Variants in ASS1 observed in about 807,000 individuals in gnomAD.
ASS1 encodes the protein argininosuccinate synthase.
A neutral mutation model predicts 60.5 loss-of-function variants in ASS1; 58 were observed. The ratio of observed to expected loss-of-function variants is 0.96; its 90% CI spans 0.78 to 1.19. The LOEUF (loss-of-function observed/expected upper bound fraction) is 1.19, where lower values mean the gene tolerates loss of function less well. ASS1 is among the 50% of genes most tolerant of loss of function. The pLI, the probability that ASS1 is intolerant of heterozygous loss-of-function variation, is 0.00. For synonymous variants in ASS1, 200 were observed against 206.9 expected (o/e 0.97, Z 0.29); for missense variants, 454 against 547.3 (o/e 0.83, Z 1.70).
At chr9:130,495,366 T>G (rs1240478927) in intron 13 of ASS1, among the ~76,000 whole-genome samples, 2 of 151,604 alleles carry the variant, frequency 1.3e-5, no homozygotes, top group Non-Finnish European at 2.9e-5. Context: ...GAAGATTGCT[T>G]GAGCCCAGGA....
chr9:130,500,848 A>C (rs1332499506), intron 14 of ASS1, 128 bp from the exon 15 acceptor site: 1 of 958,728 alleles, frequency 1.0e-6, no homozygotes, highest in Non-Finnish European at 1.6e-6. Context: ...AATAGAAAAA[A>C]AGGCAACTTC....
At position 130,494,776 on chromosome 9, in the gene ASS1, A is replaced by G. The variant is rs1285956933; in HGVS notation, c.971-91A>G. The G allele has an allele frequency of 6.0e-5, 92 of 1,538,388 alleles. No individual in the cohort carries two copies. The highest frequency in any genetic ancestry group is 8.2e-5 in the Non-Finnish European group (92 of 1,115,826). On this transcript the variant is annotated intron_variant, in intron 12 of 14. Coordinates refer to ENST00000352480, the MANE Select transcript of ASS1 (RefSeq NM_054012.4). This position sits in a 1 kb window ranked among gnomAD's most constrained non-coding sequence, Gnocchi z 4.3. Reference sequence around the variant, plus strand: ...AGTCATGGTCTGCATGGCGGGGTAAACCATGGGGCACCCTTCCTGTGCCCC... The same window carrying G: ...AGTCATGGTCTGCATGGCGGGGTAAGCCATGGGGCACCCTTCCTGTGCCCC...
At chr9:130,490,719 G>A (rs1394611428) in intron 12 of ASS1, among the ~76,000 whole-genome samples, 1 of 152,188 alleles carries the variant, frequency 6.6e-6, no homozygotes, top group Non-Finnish European at 1.5e-5. Context: ...GCTCATGCCA[G>A]GTGAGGTGGC....
intron 11 of ASS1, among the ~76,000 whole-genome samples, chr9:130,486,565 G>C (rs756773327): frequency 6.6e-6 from 1 of 152,170 alleles, no homozygotes; most frequent in Non-Finnish European, 1.5e-5. Context: ...GTCACGGTGA[G>C]GCCTGAGGAA....
chr9:130,501,183 C>G lies in ASS1; in HGVS notation c.*162C>G, dbSNP rs1846747662. The G allele has an allele frequency of 1.3e-6, 1 of 747,576 alleles. No homozygotes were observed. The highest frequency in any genetic ancestry group is 1.8e-5 in the African/African-American group (1 of 56,892). 46.3% of individuals were successfully genotyped at this position (747,576 alleles called of 1,614,324 possible). A position where few individuals can be genotyped will look rare whatever the true frequency, so the allele number is the denominator to read the frequency against. On this transcript the variant is annotated 3_prime_UTR_variant, in exon 15 of 15. Transcript: ENST00000352480. ...TGTTCCCTGGTCCCCCTGAAGCCTG[C>G]AAACGTTGTCATCGAAGGGAAGGGT...
chr9:130,447,524 A>G (rs1211798343), intron 1 of ASS1, among the ~76,000 whole-genome samples: 1 of 152,218 alleles, frequency 6.6e-6, no homozygotes, highest in African/African-American at 2.4e-5. Context: ...TGCCATCCCA[A>G]TGAAAGCCAG....
intron 1 of ASS1, 73 bp from the exon 2 acceptor site, chr9:130,452,151 G>A: frequency 7.6e-7 from 1 of 1,321,352 alleles, no homozygotes; most frequent in Admixed American, 1.9e-5. Flanking sequence ...GTCGGGGCTG[G>A]GCTGTCTGCA....
At chr9:130,493,762 C>A (rs1262117242) in intron 12 of ASS1, among the ~76,000 whole-genome samples, 1 of 152,210 alleles carries the variant, frequency 6.6e-6, no homozygotes, top group African/African-American at 2.4e-5. Flanking sequence ...TGCCTGCCTG[C>A]CTGCCTGCCT....
rs370981750 is a variant in ASS1, at chr9:130,499,493, C to T, written c.1128-12C>T. ...GCCAGGCTGAGCTGACAAGCTTCTA[C>T]TCTCCTTGCAGCATGAACGTGCAGG... On this transcript the variant is annotated splice_polypyrimidine_tract_variant and intron_variant, in intron 13 of 14. Coordinates refer to ENST00000352480, the MANE Select transcript of ASS1 (RefSeq NM_054012.4). The T allele has an allele frequency of 4.6e-5, 74 of 1,612,920 alleles. No homozygotes were observed. Among genetic ancestry groups the T allele is most frequent in the Non-Finnish European group, 5.9e-5 (70 of 1,179,636 alleles).
intron 3 of ASS1, among the ~76,000 whole-genome samples, chr9:130,455,103 G>A (rs34654848): frequency 0.64 from 94,126 of 147,950 alleles, 29,774 homozygotes; most frequent in Admixed American, 0.71. Flanking sequence ...GCCATCATCC[G>A]TCTATCCATC....
At chr9:130,471,624 C>T in intron 8 of ASS1, 109 bp downstream of exon 8, 1 of 1,389,150 alleles carries the variant, frequency 7.2e-7, no homozygotes, top group Non-Finnish European at 1.0e-6. Flanking sequence ...TCACGGGGGC[C>T]AGCCGTGGGG....
At position 130,477,080 on chromosome 9, in the gene ASS1, A is replaced by G. The variant is rs571184274; in HGVS notation, c.688+119A>G. On this transcript the variant is annotated intron_variant, in intron 9 of 14. Coordinates refer to ENST00000352480, the MANE Select transcript of ASS1 (RefSeq NM_054012.4). This position sits in a 1 kb window ranked among gnomAD's most constrained non-coding sequence, Gnocchi z 4.2. ...CCCGCCCTGCATTCCTGGAAGCTAG[A>G]GTTCAGGCAGGGGCTTCAAGGTAAC... The G allele has an allele frequency of 4.6e-6, 5 of 1,094,790 alleles. No individual in the cohort carries two copies. The Admixed American group carries it at 9.9e-5, about 22-fold the overall frequency. The allele number at this position is 1,094,790 out of a possible 1,614,324, so 67.8% of individuals were successfully genotyped here.
At chr9:130,467,014 G>A (rs1845758867) in intron 6 of ASS1, among the ~76,000 whole-genome samples, 3 of 152,218 alleles carry the variant, frequency 2.0e-5, no homozygotes, top group Admixed American at 1.3e-4. Flanking sequence ...TTGCCAGGGC[G>A]GAGCCGCTCT....
intron 13 of ASS1, among the ~76,000 whole-genome samples, chr9:130,498,797 A>G (rs1283365723): frequency 6.6e-6 from 1 of 152,168 alleles, no homozygotes; most frequent in Non-Finnish European, 1.5e-5. Context: ...AGTGACTGCC[A>G]TGGTTAGGAA....
Position 130,445,039 on chromosome 9 carries a change from G to C in ASS1, c.-6+44G>C, listed in dbSNP as rs151254686. The stretch of plus-strand genomic sequence containing the variant: ...CTCTCGCTGCCCACTCCCTAGCCGA[G>C]AGCACCCGCTTCCCGGGCCCAGAGG... On this transcript the variant is annotated intron_variant, in intron 1 of 14. Transcript: ENST00000352480. 10,526 of 576,392 alleles carry C rather than the reference G, an allele frequency of 0.018. 112 individuals carry two copies. Among genetic ancestry groups the C allele is most frequent in the Non-Finnish European group, 0.021 (9,542 of 455,960 alleles). The allele number at this position is 576,392 out of a possible 1,614,324, so 35.7% of individuals were successfully genotyped here.
At position 130,471,480 on chromosome 9, in the gene ASS1, C is replaced by G; in HGVS notation, c.567-5C>G. 1 of 1,614,124 alleles carries G rather than the reference C, an allele frequency of 6.2e-7. No homozygotes were observed. Among genetic ancestry groups the G allele is most frequent in the Middle Eastern group, 1.7e-4 (1 of 6,060 alleles). On this transcript the variant is annotated splice_region_variant and splice_polypyrimidine_tract_variant and intron_variant, in intron 7 of 14. Coordinates refer to ENST00000352480, the MANE Select transcript of ASS1 (RefSeq NM_054012.4). Reference sequence around the variant, plus strand: ...CTGACCCTGTCTTTCCTTTCCCCTCCGCAGCTACGAGGCTGGAATCCTGGA... The same window carrying G: ...CTGACCCTGTCTTTCCTTTCCCCTCGGCAGCTACGAGGCTGGAATCCTGGA...
Position 130,458,385 on chromosome 9 carries a change from G to T in ASS1, c.175-16G>T, listed in dbSNP as rs373936572. 134 of 1,611,996 alleles carry T rather than the reference G, an allele frequency of 8.3e-5. No individual in the cohort carries two copies. In the African/African-American group the frequency reaches 1.7e-3, roughly 20 times the overall value. On this transcript the variant is annotated splice_polypyrimidine_tract_variant and intron_variant, in intron 3 of 14. Coordinates refer to ENST00000352480, the MANE Select transcript of ASS1 (RefSeq NM_054012.4). ...GTCCTTGCCTACTTCTTCCTTCTGG[G>T]CTCCTCTTCCCGTAGGTGTTCATTG...
chr9:130,471,990 G>A (rs187668931), intron 8 of ASS1, among the ~76,000 whole-genome samples: 6 of 152,290 alleles, frequency 3.9e-5, no homozygotes, highest in Non-Finnish European at 7.4e-5. Context: ...ACCCTGATCC[G>A]GTCCCAAGCT....
At chr9:130,455,382 C>A (rs2131870807) in intron 3 of ASS1, among the ~76,000 whole-genome samples, 1 of 151,952 alleles carries the variant, frequency 6.6e-6, no homozygotes, top group East Asian at 1.9e-4. Context: ...AGACAGCCAG[C>A]CATTCATCTA....
Sources: allele counts gnomAD v4.1 joint callset (sites outside exome capture counted in the v4.1 genomes callset), GRCh38; gene constraint gnomAD v4.1.1; non-coding constraint Gnocchi (gnomAD v3.1); transcripts MANE v1.5; gene names NCBI Gene and HGNC (gene_info 2026-07-23, HGNC 2026-07-21).